Variants in PPP3CB observed in about 807,000 individuals in gnomAD.
The protein encoded by PPP3CB is serine/threonine-protein phosphatase 2B catalytic subunit beta isoform.
Under a neutral mutation model 66.4 loss-of-function variants are expected in PPP3CB, and 8 were observed. That is an observed-to-expected ratio of 0.12 (90% CI 0.07 to 0.22). PPP3CB has a LOEUF of 0.22. PPP3CB is among the 10% of genes least tolerant of loss of function. The pLI is 1.00. For synonymous variants in PPP3CB, 208 were observed against 221.2 expected (o/e 0.94, Z 0.53); for missense variants, 319 against 642.5 (o/e 0.50, Z 5.44).
rs2132738857 is a variant in PPP3CB, at chr10:73,438,069, CAT to C, written c.*171_*172del. 1.6e-6 allele frequency: 1 copy of C among 614,304 alleles called. No individual in the cohort carries two copies. The highest frequency in any genetic ancestry group is 2.8e-5 in the South Asian group (1 of 35,834). The allele number at this position is 614,304 out of a possible 1,614,324, so 38.1% of individuals were successfully genotyped here. On this transcript the variant is annotated 3_prime_UTR_variant, in exon 14 of 14. Coordinates refer to ENST00000360663, the MANE Select transcript of PPP3CB (RefSeq NM_021132.4). ...GATGACCCAATCTTATCAGATAGCA[CAT>C]GTCCCAGGGCCCTCAAGCCTCCATC...
At chr10:73,474,435 A>AT (rs201411246) in intron 4 of PPP3CB, among the ~76,000 whole-genome samples, 6,628 of 149,390 alleles carry the variant, frequency 0.044, 445 homozygotes, top group African/African-American at 0.15. Context: ...ATGAAAAAAA[A>AT]TTTTTTTTTT....
At chr10:73,446,639 A>C in intron 10 of PPP3CB, 66 bp from the exon 11 acceptor site, 1 of 1,443,362 alleles carries the variant, frequency 6.9e-7, no homozygotes, top group South Asian at 1.1e-5. Flanking sequence ...ACAATATTCT[A>C]TTAGCCTGTT....
intron 1 of PPP3CB, among the ~76,000 whole-genome samples, chr10:73,491,540 T>C (rs1325248170): frequency 6.6e-6 from 1 of 152,206 alleles, no homozygotes. Flanking sequence ...TAGTTCTTTT[T>C]ACACAGATAA....
chr10:73,452,611 G>T (rs953870267), intron 10 of PPP3CB, among the ~76,000 whole-genome samples: 2 of 151,772 alleles, frequency 1.3e-5, no homozygotes, highest in African/African-American at 2.4e-5. Flanking sequence ...CAGGAGAATT[G>T]CTTGAACCAG....
chr10:73,484,803 A>G (rs1036479430), intron 1 of PPP3CB, among the ~76,000 whole-genome samples: 55 of 152,110 alleles, frequency 3.6e-4, no homozygotes, highest in South Asian at 1.0e-3. Context: ...TGTAATCCCA[A>G]CACTTTGGGA....
chr10:73,461,210 G>A (rs1317246313), intron 9 of PPP3CB, among the ~76,000 whole-genome samples: 1 of 152,228 alleles, frequency 6.6e-6, no homozygotes, highest in Non-Finnish European at 1.5e-5. Flanking sequence ...ACTTTGGGAG[G>A]TCGAGGTGCA....
intron 10 of PPP3CB, among the ~76,000 whole-genome samples, chr10:73,448,220 T>C (rs531345063): frequency 6.6e-5 from 10 of 152,268 alleles, no homozygotes; most frequent in Non-Finnish European, 1.5e-4. Flanking sequence ...CCAAATGACA[T>C]GTAAACTATA....
intron 1 of PPP3CB, among the ~76,000 whole-genome samples, chr10:73,486,337 C>T (rs376427000): frequency 4.5e-4 from 53 of 117,554 alleles, no homozygotes; most frequent in Admixed American, 1.4e-3. Flanking sequence ...CGGAGTTTTG[C>T]TCTTGTTGCC....
At chr10:73,471,905 A>T (rs1053670904) in intron 4 of PPP3CB, among the ~76,000 whole-genome samples, 3 of 152,158 alleles carry the variant, frequency 2.0e-5, no homozygotes, top group African/African-American at 7.2e-5. Context: ...TGGCATGATA[A>T]AACTTTTCTG....
chr10:73,494,161 A>AT (rs146234789), intron 1 of PPP3CB, among the ~76,000 whole-genome samples: 6,283 of 150,166 alleles, frequency 0.042, 395 homozygotes, highest in African/African-American at 0.14. Flanking sequence ...CTGCATTACT[A>AT]TTTTTTTTTT....
intron 10 of PPP3CB, among the ~76,000 whole-genome samples, chr10:73,453,709 A>C (rs1027177554): frequency 6.6e-6 from 1 of 152,228 alleles, no homozygotes; most frequent in African/African-American, 2.4e-5. Context: ...GGAATATGGA[A>C]GGGAATCGTT....
At chr10:73,458,161 G>A (rs151243683) in intron 9 of PPP3CB, among the ~76,000 whole-genome samples, 218 of 152,246 alleles carry the variant, frequency 1.4e-3, no homozygotes, top group Non-Finnish European at 2.6e-3. Flanking sequence ...TTTAGAGACG[G>A]AGTCTCACTC....
In PPP3CB at chr10:73,478,664, A is replaced by C. The variant is rs376130235; in HGVS notation, c.287-41T>G. The C allele has an allele frequency of 8.9e-6, 14 of 1,570,440 alleles. No individual in the cohort carries two copies. The African/African-American group carries it at 1.8e-4, about 20-fold the overall frequency. On this transcript the variant is annotated intron_variant, in intron 2 of 13. Coordinates refer to ENST00000360663, the MANE Select transcript of PPP3CB (RefSeq NM_021132.4). Reference sequence around the variant, plus strand: ...TATTAGATAAGGGAAAAAAATCTCTAAAACAACAAATTTTACTTAAGTTAA... The same window carrying C: ...TATTAGATAAGGGAAAAAAATCTCTCAAACAACAAATTTTACTTAAGTTAA...
At position 73,471,229 on chromosome 10, in the gene PPP3CB, A is replaced by G; in HGVS notation, c.670-20T>C. 6.4e-7 allele frequency: 1 copy of G among 1,574,476 alleles called. No individual in the cohort carries two copies. Among genetic ancestry groups the G allele is most frequent in the Non-Finnish European group, 8.6e-7 (1 of 1,158,006 alleles). ...ATCTAACTGTGAAAGAAAGAAAAGAAAGAACAGAAGTAACTCATCAAAAAG... is the reference window on the plus strand; with the variant it reads ...ATCTAACTGTGAAAGAAAGAAAAGAGAGAACAGAAGTAACTCATCAAAAAG... On this transcript the variant is annotated intron_variant, in intron 5 of 13. Transcript: ENST00000360663.
At chr10:73,474,573 C>G (rs1241404713) in intron 4 of PPP3CB, among the ~76,000 whole-genome samples, 1 of 151,662 alleles carries the variant, frequency 6.6e-6, no homozygotes, top group Non-Finnish European at 1.5e-5. Context: ...GCTGGGACTA[C>G]AAGAGTGTGC....
At chr10:73,475,711 ATAT>A (rs1044510468) in intron 3 of PPP3CB, among the ~76,000 whole-genome samples, 4 of 152,244 alleles carry the variant, frequency 2.6e-5, no homozygotes, top group African/African-American at 9.6e-5. Context: ...TCAAATAAAA[ATAT>A]TATTAAACAT....
intron 9 of PPP3CB, among the ~76,000 whole-genome samples, chr10:73,465,988 C>A (rs1211375972): frequency 6.6e-6 from 1 of 152,110 alleles, no homozygotes; most frequent in Non-Finnish European, 1.5e-5. Context: ...TTGAATATTT[C>A]TTTGTTTATA....
chr10:73,447,755 A>G lies in PPP3CB; in HGVS notation c.1187-1182T>C, dbSNP rs546063306. ...AGAAACAAAAGACATATTTTAGGGG[A>G]AAAAAATAGGCTCCATGACATGTTT... On this transcript the variant is annotated intron_variant, in intron 10 of 13. Coordinates refer to ENST00000360663, the MANE Select transcript of PPP3CB (RefSeq NM_021132.4). Among the ~76,000 whole-genome samples the G allele has an allele frequency of 5.9e-5, 9 of 152,224 alleles. No individual in the cohort carries two copies. The East Asian group carries it at 1.7e-3, about 29-fold the overall frequency.
At position 73,470,176 on chromosome 10, in the gene PPP3CB, A is replaced by G. The variant is rs924974614; in HGVS notation, c.982+511T>C. Among the ~76,000 whole-genome samples the G allele has an allele frequency of 3.2e-4, 48 of 151,616 alleles. 2 individuals carry two copies. ...AAGAATGTATCCCTCAAATGAGATG[A>G]AACTGAATTAATTAAAAAAAAGCTC... On this transcript the variant is annotated intron_variant, in intron 8 of 13. Coordinates refer to ENST00000360663, the MANE Select transcript of PPP3CB (RefSeq NM_021132.4).
Sources: allele counts gnomAD v4.1 joint callset (sites outside exome capture counted in the v4.1 genomes callset), GRCh38; gene constraint gnomAD v4.1.1; transcripts MANE v1.5; gene names NCBI Gene and HGNC (gene_info 2026-07-23, HGNC 2026-07-21).